The following TMEM178A variants were observed in gnomAD, a reference collection of about 807,000 sequenced individuals.
The protein encoded by TMEM178A is transmembrane protein 178A, also known as transmembrane protein 178.
Under a neutral mutation model 29.1 loss-of-function variants are expected in TMEM178A, and 12 were observed. That is an observed-to-expected ratio of 0.41 (90% confidence interval 0.26 to 0.67). TMEM178A has a LOEUF of 0.67. Ranked by LOEUF, TMEM178A falls within the 30% of genes least tolerant of loss-of-function variation. The pLI is 0.29. For missense variants in TMEM178A, 366 were observed against 419.1 expected, an observed-to-expected ratio of 0.87 and a Z score of 1.11; for synonymous variants, 210 against 187.2, an observed-to-expected ratio of 1.12 and a Z score of -0.99.
At position 39,700,311 on chromosome 2, in the gene TMEM178A, C is replaced by T. The variant is rs562709313; in HGVS notation, c.401-3770C>T. Among the ~76,000 whole-genome samples the T allele has an allele frequency of 4.6e-5, 7 of 152,196 alleles. No individual in the cohort carries two copies. In the East Asian group the frequency reaches 1.3e-3, roughly 29 times the overall value. The stretch of plus-strand genomic sequence containing the variant: ...ATTATTTTGAATTGTCTATTTCTCC[C>T]TTCAATTCTGTCAGTTTTTGGTATT... On this transcript the variant is annotated intron_variant, in intron 1 of 3. Transcript: ENST00000281961.
chr2:39,701,147 G>A (rs1671764657), intron 1 of TMEM178A, among the ~76,000 whole-genome samples: 3 of 151,822 alleles, frequency 2.0e-5, no homozygotes, highest in African/African-American at 7.3e-5. Context: ...CTTTACATGT[G>A]CTTTTTATTT....
intron 2 of TMEM178A, among the ~76,000 whole-genome samples, chr2:39,704,841 T>A (rs1214072070): frequency 6.6e-6 from 1 of 152,224 alleles, no homozygotes; most frequent in Non-Finnish European, 1.5e-5. Flanking sequence ...TTTGCCCCCA[T>A]CAGAGGTTGA....
chr2:39,678,362 A>G (rs1355787334), intron 1 of TMEM178A, among the ~76,000 whole-genome samples: 2 of 152,218 alleles, frequency 1.3e-5, no homozygotes, highest in Non-Finnish European at 2.9e-5. Flanking sequence ...AGATAAGAAA[A>G]TGTGGTATGT....
rs537522376 is a variant in TMEM178A at position 39,680,996 on chromosome 2, G to GT, written c.400+14631dup. On this transcript the variant is annotated intron_variant, in intron 1 of 3. Transcript: ENST00000281961. ...CTGGATTATTCATTTCAATTTCTTTGTTTTTTTTTCCTTGAATGTTATTTC... is the reference window on the plus strand; with the variant it reads ...CTGGATTATTCATTTCAATTTCTTTGTTTTTTTTTTCCTTGAATGTTATTTC... Among the ~76,000 whole-genome samples, 311 of 150,148 alleles carry GT rather than the reference G, an allele frequency of 2.1e-3. 1 individual carries two copies. Among genetic ancestry groups the GT allele is most frequent in the African/African-American group, 7.4e-3 (304 of 40,894 alleles).
intron 1 of TMEM178A, among the ~76,000 whole-genome samples, chr2:39,685,444 G>A (rs960252615): frequency 2.6e-5 from 4 of 152,286 alleles, no homozygotes; most frequent in African/African-American, 9.6e-5. Context: ...ACATCTCTTT[G>A]TGCTAGTCTT....
rs1217616057 is a variant in TMEM178A at position 39,709,732 on chromosome 2, G to A, written c.652+2546G>A. On this transcript the variant is annotated intron_variant, in intron 3 of 3. Transcript: ENST00000281961. Reference sequence around the variant, plus strand: ...ATAAATATCAAAGAGGTACAGATGTGTTGCCTCCCAACACATGGGAAAGGC... The same window carrying A: ...ATAAATATCAAAGAGGTACAGATGTATTGCCTCCCAACACATGGGAAAGGC... Among the ~76,000 whole-genome samples the A allele has an allele frequency of 3.9e-5, 6 of 152,120 alleles. No individual in the cohort carries two copies. In the East Asian group the frequency reaches 1.2e-3, roughly 29 times the overall value.
intron 2 of TMEM178A, among the ~76,000 whole-genome samples, chr2:39,704,874 A>G (rs1208620365): frequency 2.6e-5 from 4 of 152,238 alleles, no homozygotes; most frequent in Non-Finnish European, 5.9e-5. Flanking sequence ...CCAATGAAAT[A>G]AGTAACAAGG....
At chr2:39,726,754 A>G in the TMEM178A span, among the ~76,000 whole-genome samples, 1 of 152,276 alleles carries the variant, frequency 6.6e-6, no homozygotes, top group African/African-American at 2.4e-5. Context: ...AGTCACAAAA[A>G]GGCAGCTAGC....
chr2:39,704,021 G>T, intron 1 of TMEM178A, 60 bp from the exon 2 acceptor site: 1 of 1,447,314 alleles, frequency 6.9e-7, no homozygotes, highest in South Asian at 1.2e-5. Context: ...TCTGCCTCAG[G>T]TCTCAGAATT....
At chr2:39,684,533 G>A (rs1670993292) in intron 1 of TMEM178A, among the ~76,000 whole-genome samples, 1 of 152,182 alleles carries the variant, frequency 6.6e-6, no homozygotes. Context: ...TATCTGCAAA[G>A]TATTTTAATG....
chr2:39,670,350 G>T (rs1285384008), intron 1 of TMEM178A, among the ~76,000 whole-genome samples: 1 of 152,194 alleles, frequency 6.6e-6, no homozygotes, highest in Non-Finnish European at 1.5e-5. Context: ...GTTGGTTATT[G>T]TACCAGGTGT....
intron 3 of TMEM178A, among the ~76,000 whole-genome samples, chr2:39,713,472 C>G (rs1672400305): frequency 6.6e-6 from 1 of 152,096 alleles, no homozygotes; most frequent in Admixed American, 6.5e-5. Flanking sequence ...GAAATAGGGT[C>G]TTTAAGTTAA....
intron 3 of TMEM178A, among the ~76,000 whole-genome samples, chr2:39,713,672 A>G (rs916369060): frequency 1.3e-5 from 2 of 152,232 alleles, no homozygotes; most frequent in Non-Finnish European, 2.9e-5. Flanking sequence ...AGCCTCTACA[A>G]TTGTGAGAAA....
chr2:39,706,416 G>A (rs1672037255), intron 2 of TMEM178A, among the ~76,000 whole-genome samples: 1 of 152,222 alleles, frequency 6.6e-6, no homozygotes, highest in African/African-American at 2.4e-5. Flanking sequence ...TGTATCCTGT[G>A]TGCACTTTAC....
At chr2:39,730,566 T>C in the TMEM178A span, among the ~76,000 whole-genome samples, 2 of 152,194 alleles carry the variant, frequency 1.3e-5, no homozygotes, top group Non-Finnish European at 2.9e-5. Context: ...TTTCTCATGG[T>C]TGCCCTGTAA....
At chr2:39,728,632 G>T in the TMEM178A span, among the ~76,000 whole-genome samples, 1 of 151,860 alleles carries the variant, frequency 6.6e-6, no homozygotes, top group Non-Finnish European at 1.5e-5. Context: ...CTAAAATCAT[G>T]ATTTAATTCT....
At chr2:39,668,753 AC>A (rs1670283612) in intron 1 of TMEM178A, among the ~76,000 whole-genome samples, 1 of 152,214 alleles carries the variant, frequency 6.6e-6, no homozygotes, top group South Asian at 2.1e-4. Context: ...CTACTAACCA[AC>A]CTTGGGCTAG....
At chr2:39,703,978 A>G (rs1671910862) in intron 1 of TMEM178A, 103 bp from the exon 2 acceptor site, 4 of 780,132 alleles carry the variant, frequency 5.1e-6, no homozygotes, top group Admixed American at 2.5e-5. Flanking sequence ...TTCTTATCCC[A>G]TCTCCCATTC....
intron 3 of TMEM178A, among the ~76,000 whole-genome samples, chr2:39,708,523 A>G (rs1672148807): frequency 7.4e-6 from 1 of 135,156 alleles, no homozygotes; most frequent in Non-Finnish European, 1.5e-5. Context: ...GGTTCACGCC[A>G]TTCTCCTGCC....
Sources: allele counts gnomAD v4.1 joint callset (sites outside exome capture counted in the v4.1 genomes callset), GRCh38; gene constraint gnomAD v4.1.1; transcripts MANE v1.5; gene names NCBI Gene and HGNC (gene_info 2026-07-23, HGNC 2026-07-21).